CENPN: variants seen among roughly 807,000 people sequenced by gnomAD.
CENPN encodes the protein centromere protein N.
Under a neutral mutation model 48.6 loss-of-function variants are expected in CENPN, and 36 were observed. The ratio of observed to expected loss-of-function variants is 0.74; its 90% CI spans 0.57 to 0.98. The LOEUF (loss-of-function observed/expected upper bound fraction) is 0.98. Among genes scored for constraint, CENPN ranks in the 50% least tolerant of loss-of-function variants. CENPN has a pLI of 0.00. For synonymous variants in CENPN, 166 were observed against 135.2 expected, an observed-to-expected ratio of 1.23 and a Z score of -1.58; for missense variants, 439 against 399.2, an observed-to-expected ratio of 1.10 and a Z score of -0.85.
intron 1 of CENPN, among the ~76,000 whole-genome samples, chr16:81,008,083 G>C (rs1969539005): frequency 6.6e-6 from 1 of 152,016 alleles, no homozygotes. Context: ...CTGCACCCTG[G>C]GCGACAAAGC....
intron 7 of CENPN, 184 bp downstream of exon 7, chr16:81,022,882 A>G (rs1216111210): frequency 1.9e-6 from 3 of 1,608,958 alleles, no homozygotes; most frequent in Non-Finnish European, 2.5e-6. Context: ...TCATCTTTTT[A>G]TAATTGTATT....
chr16:81,017,993 G>A (rs1423181879), intron 5 of CENPN, among the ~76,000 whole-genome samples, 159 bp downstream of exon 5: 1 of 151,868 alleles, frequency 6.6e-6, no homozygotes, highest in African/African-American at 2.4e-5. Flanking sequence ...TAAATATTAT[G>A]AAAACTTCCC....
intron 1 of CENPN, among the ~76,000 whole-genome samples, chr16:81,010,232 G>T (rs2151674516): frequency 6.6e-6 from 1 of 152,248 alleles, no homozygotes; most frequent in Middle Eastern, 3.4e-3. Context: ...ATGTTTGCTT[G>T]CTTTTTTGTT....
downstream of CENPN, chr16:81,032,885 T>A: frequency 1.9e-6 from 1 of 526,776 alleles, no homozygotes; most frequent in Non-Finnish European, 3.3e-6. Flanking sequence ...GACATAACAC[T>A]CTAGACACAG....
intron 1 of CENPN, among the ~76,000 whole-genome samples, chr16:81,010,047 A>G (rs527728237): frequency 1.1e-4 from 17 of 152,204 alleles, no homozygotes; most frequent in Admixed American, 3.9e-4. Flanking sequence ...AAAGATACAA[A>G]AATTAGCCAG....
chr16:81,025,689 C>CT lies in CENPN; in HGVS notation c.698-836dup, dbSNP rs761078576. Reference sequence around the variant, plus strand: ...TGGGCAACATAGTGAGACCCTGTCTCTCTTTTTTTTTTTTTTTTTTTTTTT... The same window carrying CT: ...TGGGCAACATAGTGAGACCCTGTCTCTTCTTTTTTTTTTTTTTTTTTTTTTT... On this transcript the variant is annotated intron_variant, in intron 8 of 10. Transcript: ENST00000305850. 2.3e-3 allele frequency among the ~76,000 whole-genome samples: 307 copies of CT among 135,204 alleles called. 18 individuals carry two copies. Among genetic ancestry groups the CT allele is most frequent in the African/African-American group, 8.6e-3 (294 of 34,008 alleles). The allele number at this position is 135,204 out of a possible 152,430, so 88.7% of individuals were successfully genotyped here.
At position 81,011,964 on chromosome 16, in the gene CENPN, A is replaced by C; in HGVS notation, c.25A>C (p.Ile9Leu). 3 of 1,614,226 alleles carry C rather than the reference A, an allele frequency of 1.9e-6. No homozygotes were observed. The highest frequency in any genetic ancestry group is 2.5e-6 in the Non-Finnish European group (3 of 1,180,024). ...GATGGATGAGACTGTTGCTGAGTTC[A>C]TCAAGAGGACCATCTTGAAAATCCC... Reference protein sequence around the residue: MDETVAEFIKRTILKIPMN... With the variant: MDETVAEFLKRTILKIPMN... The change falls in exon 2 of 11, where the codon ATC becomes CTC. Residue 9 changes from isoleucine (I) to leucine (L), a missense_variant. Transcript: ENST00000305850.
At position 81,030,132 on chromosome 16, in the gene CENPN, C is replaced by T. The variant is rs116475344; in HGVS notation, c.*1481C>T. ...CGTTCCCATGACTCAAGTATCTCCA[C>T]CTGGCCCTGCCCTTGTCACATGGGG... On this transcript the variant is annotated 3_prime_UTR_variant, in exon 11 of 11. Coordinates refer to ENST00000305850, the MANE Select transcript of CENPN (RefSeq NM_001100624.3). 11,479 of 896,338 alleles carry T rather than the reference C, an allele frequency of 0.013. 1,083 individuals are homozygous for T. The African/African-American group carries it at 0.19, about 15-fold the overall frequency. The allele number at this position is 896,338 out of a possible 1,614,324, so 55.5% of individuals were successfully genotyped here. A position where few individuals can be genotyped will look rare whatever the true frequency, so the allele number is the denominator to read the frequency against.
At chr16:81,027,142 C>T (rs867457806) in intron 9 of CENPN, among the ~76,000 whole-genome samples, 4 of 152,050 alleles carry the variant, frequency 2.6e-5, no homozygotes, top group African/African-American at 9.7e-5. Context: ...ACATGGGGCT[C>T]ATACCGTGCT....
chr16:81,018,415 C>A (rs1206143058), intron 5 of CENPN, among the ~76,000 whole-genome samples: 1 of 152,128 alleles, frequency 6.6e-6, no homozygotes, highest in East Asian at 1.9e-4. Context: ...CTCAGATGAT[C>A]TGCCTGCCTC....
chr16:81,032,918 C>A, downstream of CENPN: 1 of 392,594 alleles, frequency 2.5e-6, no homozygotes, highest in Non-Finnish European at 4.5e-6. Context: ...CTAAGGGGAA[C>A]AGATAACTAA....
In CENPN at chr16:81,030,903, G is replaced by C. The variant is rs897286010; in HGVS notation, c.*2252G>C. 2 of 151,938 alleles carry C rather than the reference G, an allele frequency of 1.3e-5. No homozygotes were observed. The highest frequency in any genetic ancestry group is 2.9e-5 in the Non-Finnish European group (2 of 68,058). 9.4% of individuals were successfully genotyped at this position (151,938 alleles called of 1,614,324 possible). On this transcript the variant is annotated 3_prime_UTR_variant, in exon 11 of 11. Transcript: ENST00000305850. ...GACTCTACTAAAAATACAAAAATTA[G>C]CTGGGCCTGGTGGTGTGCACCTGTA...
At chr16:81,016,823 G>T in intron 3 of CENPN, 1 of 160,478 alleles carries the variant, frequency 6.2e-6, no homozygotes, top group Non-Finnish European at 1.3e-5. Context: ...ACATCAGGTA[G>T]TGATGAGTCC....
chr16:81,025,239 CTGGATAAACTTCTA>C (rs1483065836), intron 8 of CENPN, among the ~76,000 whole-genome samples: 1 of 152,184 alleles, frequency 6.6e-6, no homozygotes, highest in Non-Finnish European at 1.5e-5. Flanking sequence ...TCTTAATGCG[CTGGATAAACTTCTA>C]GAACAATGAG....
intron 1 of CENPN, among the ~76,000 whole-genome samples, chr16:81,007,775 G>T (rs1969513825): frequency 6.6e-6 from 1 of 152,170 alleles, no homozygotes; most frequent in South Asian, 2.1e-4. Context: ...AGCATCTACT[G>T]TATGTCAGAC....
Position 81,008,274 on chromosome 16 carries a change from C to T in CENPN, c.-11+997C>T, listed in dbSNP as rs555738729. Among the ~76,000 whole-genome samples the T allele has an allele frequency of 5.9e-5, 9 of 152,290 alleles. No individual in the cohort carries two copies. The East Asian group carries it at 7.7e-4, about 13-fold the overall frequency. ...CATCTGACGTACTTTTTAAAAGATG[C>T]TAAATCTCAAGCCCTCCGTGCGCCC... On this transcript the variant is annotated intron_variant, in intron 1 of 10. Transcript: ENST00000305850.
chr16:81,029,379 T>A lies in CENPN; in HGVS notation c.*728T>A, dbSNP rs1330824466. On this transcript the variant is annotated 3_prime_UTR_variant, in exon 11 of 11. Transcript: ENST00000305850. ...CTAAATACCCTATCTTTTTAAAAATTTTTTCCTTTCTAATTTTTTATTTCT... is the reference window on the plus strand; with the variant it reads ...CTAAATACCCTATCTTTTTAAAAATATTTTCCTTTCTAATTTTTTATTTCT... 8.3e-6 allele frequency: 7 copies of A among 840,766 alleles called. No individual in the cohort carries two copies. The highest frequency in any genetic ancestry group is 1.8e-5 in the African/African-American group (1 of 54,376). 52.1% of individuals were successfully genotyped at this position (840,766 alleles called of 1,614,324 possible).
At chr16:81,016,918 G>A in intron 3 of CENPN, 1 of 214,362 alleles carries the variant, frequency 4.7e-6, no homozygotes, top group South Asian at 6.6e-5. Flanking sequence ...GCAGAATGAG[G>A]TGGGGAGTAG....
chr16:81,032,544 G>C, downstream of CENPN: 2 of 1,556,226 alleles, frequency 1.3e-6, no homozygotes, highest in Non-Finnish European at 1.7e-6. Context: ...TTTATCAGTT[G>C]ATTTTCAGTG....
Sources: gnomAD v4.1 joint callset for allele counts (sites outside exome capture counted in the v4.1 genomes callset) on GRCh38, gnomAD v4.1.1 for gene constraint, MANE v1.5 for transcripts, NCBI Gene and HGNC (gene_info 2026-07-23, HGNC 2026-07-21) for gene names.